PXDNL: variants seen among roughly 807,000 people sequenced by gnomAD.
The protein encoded by PXDNL is peroxidasin like, also known as probable oxidoreductase PXDNL.
PXDNL carries 145 observed loss-of-function variants against 150.8 expected under a neutral mutation model. The observed-to-expected ratio is 0.96, with a 90% CI of 0.84 to 1.10. The LOEUF (loss-of-function observed/expected upper bound fraction) is 1.10, where lower values mean the gene tolerates loss of function less well. Ranked by LOEUF, PXDNL falls within the 50% of genes least tolerant of loss-of-function variation. The pLI, the probability that PXDNL is intolerant of heterozygous loss-of-function variation, is 0.00. For synonymous variants in PXDNL, 757 were observed against 725.7 expected (o/e 1.04, Z -0.69); for missense variants, 2,087 against 1,873.9 (o/e 1.11, Z -2.10).
At chr8:51,487,361 C>T (rs1466979495) in intron 5 of PXDNL, among the ~76,000 whole-genome samples, 1 of 151,864 alleles carries the variant, frequency 6.6e-6, no homozygotes, top group African/African-American at 2.4e-5. Context: ...ATCCAGGAGA[C>T]TTTTGAGAAG....
chr8:51,455,259 A>G (rs913166881), intron 9 of PXDNL, among the ~76,000 whole-genome samples: 1 of 152,068 alleles, frequency 6.6e-6, no homozygotes, highest in African/African-American at 2.4e-5. Context: ...TTTTTAGAGA[A>G]TTGTGGAAGA....
chr8:51,683,164 C>CATATATATATATATATAT lies in PXDNL; in HGVS notation c.165-28422_165-28405dup, dbSNP rs71237228. Among the ~76,000 whole-genome samples the CATATATATATATATATAT allele has an allele frequency of 2.3e-3, 102 of 44,440 alleles. 12 individuals are homozygous for CATATATATATATATATAT. The highest frequency in any genetic ancestry group is 6.0e-3 in the East Asian group (3 of 496). The allele number at this position is 44,440 out of a possible 152,430, so 29.2% of individuals were successfully genotyped here. ...ATCCTTACTAACACCAATTGTCTTT[C>CATATATATATATATATAT]ATATATATATATATATATATATATA... On this transcript the variant is annotated intron_variant, in intron 1 of 22. Coordinates refer to ENST00000356297, the MANE Select transcript of PXDNL (RefSeq NM_144651.5).
rs1254461749 is a variant in PXDNL, at chr8:51,809,385, G to C, written c.-41C>G. On this transcript the variant is annotated 5_prime_UTR_variant, in exon 1 of 23. Coordinates refer to ENST00000356297, the MANE Select transcript of PXDNL (RefSeq NM_144651.5). ...TGGCCACGCGAAGAAGCAGCCGGAG[G>C]GAGAGCAGCAGCTGCAGCTGCAGCA... 7.4e-6 allele frequency: 11 copies of C among 1,494,992 alleles called. No individual in the cohort carries two copies. The highest frequency in any genetic ancestry group is 9.8e-6 in the Non-Finnish European group (11 of 1,122,954). 92.6% of individuals were successfully genotyped at this position (1,494,992 alleles called of 1,614,324 possible).
At chr8:51,771,369 C>T (rs1180980954) in intron 1 of PXDNL, among the ~76,000 whole-genome samples, 1 of 152,168 alleles carries the variant, frequency 6.6e-6, no homozygotes, top group African/African-American at 2.4e-5. Flanking sequence ...CTATCTACAC[C>T]AGAAGCTTAT....
chr8:51,385,361 A>G (rs1262247477), intron 17 of PXDNL, among the ~76,000 whole-genome samples: 1 of 152,124 alleles, frequency 6.6e-6, no homozygotes, highest in Non-Finnish European at 1.5e-5. Flanking sequence ...TCCACTGTGT[A>G]GGACAATGTC....
At chr8:51,528,785 C>G (rs1013404332) in intron 4 of PXDNL, among the ~76,000 whole-genome samples, 1 of 152,140 alleles carries the variant, frequency 6.6e-6, no homozygotes, top group Non-Finnish European at 1.5e-5. Flanking sequence ...CCCACGACTG[C>G]CAGCAACCTC....
chr8:51,519,993 G>A (rs1226620129), intron 4 of PXDNL, among the ~76,000 whole-genome samples: 1 of 152,188 alleles, frequency 6.6e-6, no homozygotes, highest in East Asian at 1.9e-4. Flanking sequence ...AGTCTAGGGG[G>A]AACAACAAGG....
At chr8:51,725,434 G>A (rs932922110) in intron 1 of PXDNL, among the ~76,000 whole-genome samples, 7 of 152,144 alleles carry the variant, frequency 4.6e-5, no homozygotes, top group African/African-American at 9.7e-5. Flanking sequence ...TTTTGTAAAC[G>A]TGTTTCTAAC....
chr8:51,439,105 T>C (rs1443655070), intron 12 of PXDNL, among the ~76,000 whole-genome samples: 2 of 152,096 alleles, frequency 1.3e-5, no homozygotes, highest in Non-Finnish European at 2.9e-5. Context: ...AGCTTCTGCA[T>C]AGTAAAAGAA....
chr8:51,799,020 A>C (rs1009683109), intron 1 of PXDNL, among the ~76,000 whole-genome samples: 3 of 152,220 alleles, frequency 2.0e-5, no homozygotes, highest in African/African-American at 7.2e-5. Flanking sequence ...GGATAAAGAA[A>C]ATGTAGTACA....
At chr8:51,558,905 C>T (rs74672605) in intron 3 of PXDNL, among the ~76,000 whole-genome samples, 2,791 of 152,064 alleles carry the variant, frequency 0.018, 83 homozygotes, top group African/African-American at 0.06. Context: ...TAATTATCAA[C>T]GGGCAGCCAA....
chr8:51,544,708 T>C (rs1812316104), intron 4 of PXDNL, among the ~76,000 whole-genome samples: 1 of 152,170 alleles, frequency 6.6e-6, no homozygotes, highest in Non-Finnish European at 1.5e-5. Flanking sequence ...AAAGGCTATG[T>C]CATGAAGCCA....
chr8:51,439,593 G>A (rs1297230448), intron 12 of PXDNL, among the ~76,000 whole-genome samples: 2 of 152,070 alleles, frequency 1.3e-5, no homozygotes, highest in Non-Finnish European at 1.5e-5. Context: ...GGGAGGCTGA[G>A]GTAGGTGGAT....
At chr8:51,516,998 T>C (rs1173442322) in intron 4 of PXDNL, among the ~76,000 whole-genome samples, 2 of 152,238 alleles carry the variant, frequency 1.3e-5, no homozygotes, top group Non-Finnish European at 2.9e-5. Context: ...CATTTTAGCA[T>C]GTTCTGTATA....
At chr8:51,406,071 C>T (rs189543299) in intron 17 of PXDNL, among the ~76,000 whole-genome samples, 12 of 152,240 alleles carry the variant, frequency 7.9e-5, no homozygotes, top group African/African-American at 2.4e-4. Context: ...GGACAGTGGC[C>T]GACAGTGGAG....
At chr8:51,347,998 C>T (rs1806213945) in intron 19 of PXDNL, among the ~76,000 whole-genome samples, 1 of 152,052 alleles carries the variant, frequency 6.6e-6, no homozygotes. Context: ...TTCTGAATAG[C>T]ACACAGCTTT....
At chr8:51,454,129 A>T (rs556952026) in intron 9 of PXDNL, among the ~76,000 whole-genome samples, 1 of 152,202 alleles carries the variant, frequency 6.6e-6, no homozygotes, top group Non-Finnish European at 1.5e-5. Context: ...AACACAGTTT[A>T]GGCACATGTC....
intron 17 of PXDNL, among the ~76,000 whole-genome samples, chr8:51,406,129 A>G (rs983653524): frequency 6.6e-6 from 1 of 152,242 alleles, no homozygotes; most frequent in Non-Finnish European, 1.5e-5. Context: ...GGAATTTGGG[A>G]CAGGAAATTT....
intron 4 of PXDNL, among the ~76,000 whole-genome samples, chr8:51,509,409 C>T (rs1180564056): frequency 7.2e-6 from 1 of 139,408 alleles, no homozygotes; most frequent in African/African-American, 2.6e-5. Context: ...CACAATGATA[C>T]AAATCAAATC....
Sources: allele counts gnomAD v4.1 joint callset (sites outside exome capture counted in the v4.1 genomes callset), GRCh38; gene constraint gnomAD v4.1.1; transcripts MANE v1.5; gene names NCBI Gene and HGNC (gene_info 2026-07-23, HGNC 2026-07-21).